The following IFNAR1 variants were observed in gnomAD, a reference collection of about 807,000 sequenced individuals.
IFNAR1 encodes interferon alpha and beta receptor subunit 1, also known as interferon alpha/beta receptor 1.
Under a neutral mutation model 62.1 loss-of-function variants are expected in IFNAR1, and 47 were observed. The observed-to-expected ratio is 0.76, with a 90% confidence interval of 0.60 to 0.97. The LOEUF (loss-of-function observed/expected upper bound fraction) is 0.97. Among genes scored for constraint, IFNAR1 ranks in the 50% least tolerant of loss-of-function variants. The probability of loss-of-function intolerance (pLI) is 0.00; values close to 1 mark genes in which losing one functional copy is unlikely to be tolerated. For synonymous variants in IFNAR1, 219 were observed against 226.9 expected, an observed-to-expected ratio of 0.97 and a Z score of 0.31; for missense variants, 638 against 654.5, an observed-to-expected ratio of 0.97 and a Z score of 0.27.
intron 6 of IFNAR1, among the ~76,000 whole-genome samples, chr21:33,346,165 G>A (rs1355140007): frequency 1.2e-4 from 19 of 152,134 alleles, no homozygotes; most frequent in Admixed American, 1.2e-3. Flanking sequence ...GAAAATTGTA[G>A]GAGATGAATA....
intron 5 of IFNAR1, among the ~76,000 whole-genome samples, chr21:33,344,082 T>C (rs1470243534): frequency 6.6e-6 from 1 of 151,666 alleles, no homozygotes; most frequent in African/African-American, 2.4e-5. Context: ...ACCTGGGAGG[T>C]GGAAGTTGCA....
chr21:33,349,934 AT>A (rs2083384946), intron 8 of IFNAR1, among the ~76,000 whole-genome samples: 2 of 151,824 alleles, frequency 1.3e-5, no homozygotes, highest in African/African-American at 4.8e-5. Flanking sequence ...AAAAAAAAAA[AT>A]GTGATTAACT....
chr21:33,331,269 GT>G (rs915691244), intron 1 of IFNAR1, among the ~76,000 whole-genome samples: 1 of 152,128 alleles, frequency 6.6e-6, no homozygotes, highest in African/African-American at 2.4e-5. Flanking sequence ...ATGCACCCCT[GT>G]GCCTAAGCTG....
At chr21:33,347,410 G>A (rs539812412) in intron 6 of IFNAR1, among the ~76,000 whole-genome samples, 9 of 152,042 alleles carry the variant, frequency 5.9e-5, no homozygotes, top group African/African-American at 1.2e-4. Flanking sequence ...GATTATAGGC[G>A]TGAGGCACCG....
intron 6 of IFNAR1, among the ~76,000 whole-genome samples, chr21:33,347,723 A>G (rs1377684435): frequency 6.6e-6 from 1 of 152,090 alleles, no homozygotes; most frequent in Non-Finnish European, 1.5e-5. Flanking sequence ...CCTCCATCGT[A>G]TTTACAGGTC....
chr21:33,348,670 C>T (rs925480642), intron 6 of IFNAR1, among the ~76,000 whole-genome samples: 10 of 152,016 alleles, frequency 6.6e-5, no homozygotes, highest in Non-Finnish European at 1.5e-4. Context: ...GGCCTGGTGG[C>T]GTGCACCTGT....
chr21:33,337,694 A>C (rs1241726073), intron 2 of IFNAR1, among the ~76,000 whole-genome samples: 2 of 141,298 alleles, frequency 1.4e-5, no homozygotes, highest in Non-Finnish European at 3.3e-5. Context: ...TACTGTATAC[A>C]TACATATACA....
chr21:33,325,956 A>T (rs548391685), intron 1 of IFNAR1, among the ~76,000 whole-genome samples: 1 of 152,160 alleles, frequency 6.6e-6, no homozygotes, highest in Admixed American at 6.5e-5. Context: ...TTGGAATGCC[A>T]TTTGTTGAGA....
chr21:33,352,113 A>G (rs902080749), intron 8 of IFNAR1, among the ~76,000 whole-genome samples: 3 of 152,178 alleles, frequency 2.0e-5, no homozygotes, highest in African/African-American at 7.2e-5. Flanking sequence ...CACAGCTGTA[A>G]GTGATACTCT....
At chr21:33,331,197 G>T (rs1005346901) in intron 1 of IFNAR1, among the ~76,000 whole-genome samples, 2 of 152,194 alleles carry the variant, frequency 1.3e-5, no homozygotes, top group African/African-American at 4.8e-5. Flanking sequence ...CTGCCCTTGG[G>T]CTAGAGCTGA....
chr21:33,353,791 A>G lies in IFNAR1; in HGVS notation c.1440+8A>G. 6.5e-7 allele frequency: 1 copy of G among 1,541,766 alleles called. No individual in the cohort carries two copies. Among genetic ancestry groups the G allele is most frequent in the African/African-American group, 1.4e-5 (1 of 70,936 alleles). ...TCTTCCAGTATAGATGAGGTATGTT[A>G]CTTTTTTTATTTTTTTGTCAACAGC... On this transcript the variant is annotated splice_region_variant and intron_variant, in intron 10 of 10. Transcript: ENST00000270139.
rs2083219265 is a variant in IFNAR1, at chr21:33,334,980, A to G, written c.77-544A>G. On this transcript the variant is annotated intron_variant, in intron 1 of 10. Transcript: ENST00000270139. ...CTGCTGTTGTTACTACCCAGGGCTC[A>G]GAGGCACTGCTTGGGCAGGTGACTC... 2.5e-6 allele frequency: 4 copies of G among 1,576,534 alleles called. No individual in the cohort carries two copies. In the East Asian group the frequency reaches 6.7e-5, roughly 27 times the overall value.
chr21:33,343,764 G>A (rs2123686356), intron 5 of IFNAR1, 88 bp downstream of exon 5: 1 of 802,416 alleles, frequency 1.2e-6, no homozygotes. Flanking sequence ...AAGTTTACAT[G>A]ATAGGTCAAT....
At chr21:33,325,424 C>A (rs2083117708) in intron 1 of IFNAR1, among the ~76,000 whole-genome samples, 2 of 152,192 alleles carry the variant, frequency 1.3e-5, no homozygotes, top group African/African-American at 4.8e-5. Flanking sequence ...TTGATTCTTT[C>A]CGGGAAAGTA....
At chr21:33,335,068 C>T (rs987341220) in intron 1 of IFNAR1, 21 of 1,046,652 alleles carry the variant, frequency 2.0e-5, no homozygotes, top group Non-Finnish European at 2.7e-5. Context: ...GGGAGGAAGC[C>T]AGCACTTGAT....
At chr21:33,348,059 AC>A (rs1055084795) in intron 6 of IFNAR1, among the ~76,000 whole-genome samples, 4 of 152,096 alleles carry the variant, frequency 2.6e-5, no homozygotes, top group Non-Finnish European at 4.4e-5. Flanking sequence ...AGATAAGGAA[AC>A]CAGTCAGGAG....
In IFNAR1 at chr21:33,356,701, G is replaced by A. The variant is rs531718276; in HGVS notation, c.*1152G>A. On this transcript the variant is annotated 3_prime_UTR_variant, in exon 11 of 11. Coordinates refer to ENST00000270139, the MANE Select transcript of IFNAR1 (RefSeq NM_000629.3). ...AGTGTGTACAAGTTTTAGTATACAT[G>A]CCATGCCAGAAGATAGTGTATGCAA... The A allele has an allele frequency of 1.3e-4, 20 of 152,322 alleles. No homozygotes were observed. Among genetic ancestry groups the A allele is most frequent in the African/African-American group, 4.6e-4 (19 of 41,574 alleles). 9.4% of individuals were successfully genotyped at this position (152,322 alleles called of 1,614,324 possible).
rs1003956077 is a variant in IFNAR1, at chr21:33,345,226, A to G, written c.674-20A>G. 8.5e-7 allele frequency: 1 copy of G among 1,175,842 alleles called. No homozygotes were observed. The highest frequency in any genetic ancestry group is 1.5e-5 in the African/African-American group (1 of 65,128). 72.8% of individuals were successfully genotyped at this position (1,175,842 alleles called of 1,614,324 possible). On this transcript the variant is annotated intron_variant, in intron 5 of 10. Coordinates refer to ENST00000270139, the MANE Select transcript of IFNAR1 (RefSeq NM_000629.3). Reference sequence around the variant, plus strand: ...TGAGTAAAAATGTGTGCTTTTTTTTATCTGTTCTTTGGCTTCTAGTTGAAA... The same window carrying G: ...TGAGTAAAAATGTGTGCTTTTTTTTGTCTGTTCTTTGGCTTCTAGTTGAAA...
intron 1 of IFNAR1, chr21:33,334,747 G>GT: frequency 1.3e-6 from 1 of 790,012 alleles, no homozygotes; most frequent in East Asian, 2.6e-5. Flanking sequence ...TGATCCAGGT[G>GT]TGTGAGGGGC....
Sources: gnomAD v4.1 joint callset for allele counts (sites outside exome capture counted in the v4.1 genomes callset) on GRCh38, gnomAD v4.1.1 for gene constraint, MANE v1.5 for transcripts, NCBI Gene and HGNC (gene_info 2026-07-23, HGNC 2026-07-21) for gene names.